The following BPIFA2 variants were observed in gnomAD, a reference collection of about 807,000 sequenced individuals.
BPIFA2 encodes the protein BPI fold containing family A member 2.
BPIFA2 carries 20 observed loss-of-function variants against 25.7 expected under a neutral mutation model. The ratio of observed to expected loss-of-function variants is 0.78; its 90% CI spans 0.55 to 1.13. The LOEUF (loss-of-function observed/expected upper bound fraction) is 1.13, where lower values mean the gene tolerates loss of function less well. BPIFA2 is among the 50% of genes most tolerant of loss of function. The pLI is 0.00. For missense variants in BPIFA2, 300 were observed against 298.1 expected, an observed-to-expected ratio of 1.01 and a Z score of -0.05; for synonymous variants, 126 against 124.3, an observed-to-expected ratio of 1.01 and a Z score of -0.09.
At chr20:33,173,797 C>T (rs965863844) in intron 3 of BPIFA2, among the ~76,000 whole-genome samples, 1 of 152,192 alleles carries the variant, frequency 6.6e-6, no homozygotes, top group Admixed American at 6.5e-5. Context: ...AGTCACCGTG[C>T]CCGGTCCCAC....
At chr20:33,175,758 T>A (rs1984056396) in intron 5 of BPIFA2, among the ~76,000 whole-genome samples, 199 bp downstream of exon 5, 1 of 152,160 alleles carries the variant, frequency 6.6e-6, no homozygotes, top group Non-Finnish European at 1.5e-5. Context: ...TGTTTTCACA[T>A]CTGTAAACTG....
At chr20:33,163,719 G>A (rs561003647), upstream of BPIFA2, among the ~76,000 whole-genome samples, 14 of 152,264 alleles carry the variant, frequency 9.2e-5, no homozygotes, top group East Asian at 1.9e-3. Context: ...CTACTCGGGC[G>A]GCTGAGGCAG....
At position 33,175,438 on chromosome 20, in the gene BPIFA2, G is replaced by A. The variant is rs780402744; in HGVS notation, c.442G>A (p.Ala148Thr). 4 of 1,613,970 alleles carry A rather than the reference G, an allele frequency of 2.5e-6. No homozygotes were observed. The highest frequency in any genetic ancestry group is 3.4e-6 in the Non-Finnish European group (4 of 1,179,918). Residue 148 changes from alanine (A) to threonine (T), a missense_variant, in exon 5 of 9, where the codon GCC becomes ACC. Physicochemically the swap from Ala to Thr is moderately conservative, Grantham distance 58. Transcript: ENST00000354932. Reference protein sequence around the residue: ...PIIGQIINLKASLDLLTAVTI... With the variant: ...PIIGQIINLKTSLDLLTAVTI... ...CATTGGCCAGATTATCAACCTGAAA[G>A]CCTCCTTGGACCTCCTGACCGCAGT...
upstream of BPIFA2, among the ~76,000 whole-genome samples, chr20:33,166,497 C>A (rs549123988): frequency 7.3e-4 from 111 of 152,284 alleles, no homozygotes; most frequent in Non-Finnish European, 1.3e-3. Context: ...ATGGGTATTA[C>A]ACTAATTTGA....
At chr20:33,179,716 G>T (rs776558980) in intron 7 of BPIFA2, 49 bp downstream of exon 7, 59 of 1,512,722 alleles carry the variant, frequency 3.9e-5, no homozygotes, top group Admixed American at 6.7e-5. Flanking sequence ...ATGGAGCTCT[G>T]TGCCCACCCC....
chr20:33,178,151 A>G lies in BPIFA2; in HGVS notation c.568A>G (p.Ser190Gly). 6.2e-7 allele frequency: 1 copy of G among 1,601,920 alleles called. No homozygotes were observed. The highest frequency in any genetic ancestry group is 1.3e-5 in the African/African-American group (1 of 74,672). The change falls in exon 6 of 9, where the codon AGC becomes GGC. Residue 190 changes from serine (S) to glycine (G), a missense_variant. Coordinates refer to ENST00000354932, the MANE Select transcript of BPIFA2 (RefSeq NM_080574.4). ...SISLSLLDKH[S>G]QIINKFVNSV... ...ATAGTTCCCTGTGTTTTCCAGACAC[A>G]GCCAAATCATCAACAAGTTCGTGAA...
At chr20:33,177,018 A>G (rs1032207415) in intron 5 of BPIFA2, among the ~76,000 whole-genome samples, 1 of 152,132 alleles carries the variant, frequency 6.6e-6, no homozygotes, top group Admixed American at 6.5e-5. Flanking sequence ...AGTTCTCAAT[A>G]TATATTTAAT....
At chr20:33,178,282 G>A (rs1984154205) in intron 6 of BPIFA2, 54 bp downstream of exon 6, 4 of 1,356,702 alleles carry the variant, frequency 2.9e-6, no homozygotes, top group Admixed American at 3.7e-5. Flanking sequence ...GGCAGGTGGG[G>A]GAATTTGCAG....
In BPIFA2 at chr20:33,169,129, A is replaced by G. The variant is rs1194523362; in HGVS notation, c.-15-2A>G. On this transcript the variant is annotated splice_acceptor_variant, in intron 1 of 8. Coordinates refer to ENST00000354932, the MANE Select transcript of BPIFA2 (RefSeq NM_080574.4). LOFTEE classifies it low-confidence loss of function (5UTR_SPLICE). ...ACTCCTGTTCTTCCCATGACTGTCC[A>G]GGTGTCAAGACAAAAGATGCTTCAG... The G allele has an allele frequency of 1.2e-6, 2 of 1,612,634 alleles. No individual in the cohort carries two copies. The highest frequency in any genetic ancestry group is 1.3e-5 in the African/African-American group (1 of 74,890).
intron 5 of BPIFA2, among the ~76,000 whole-genome samples, chr20:33,176,970 G>A (rs184795482): frequency 1.5e-4 from 23 of 152,186 alleles, no homozygotes; most frequent in Middle Eastern, 3.4e-3. Context: ...ATTCTCTCTC[G>A]TAAGAGTCTA....
intron 2 of BPIFA2, among the ~76,000 whole-genome samples, chr20:33,170,672 G>A (rs1983869861): frequency 6.6e-6 from 1 of 152,192 alleles, no homozygotes; most frequent in South Asian, 2.1e-4. Context: ...GGGATTACAG[G>A]CGTGAGCCAC....
intron 7 of BPIFA2, 40 bp from the exon 8 acceptor site, chr20:33,180,480 T>G (rs1825559114): frequency 1.9e-6 from 3 of 1,592,942 alleles, no homozygotes; most frequent in Non-Finnish European, 1.7e-6. Flanking sequence ...TCAATTCCAG[T>G]GGCAGAGACT....
At chr20:33,179,819 G>T in intron 7 of BPIFA2, 152 bp downstream of exon 7, 1 of 760,876 alleles carries the variant, frequency 1.3e-6, no homozygotes, top group Middle Eastern at 3.2e-4. Flanking sequence ...ACAGGCACCC[G>T]GGGGCTCCCT....
At chr20:33,173,177 T>C in intron 3 of BPIFA2, 101 bp downstream of exon 3, 3 of 1,407,768 alleles carry the variant, frequency 2.1e-6, no homozygotes, top group Non-Finnish European at 1.9e-6. Flanking sequence ...ACAAGCCTCA[T>C]TCCCCTCCCA....
upstream of BPIFA2, among the ~76,000 whole-genome samples, chr20:33,163,770 C>T (rs543442899): frequency 8.6e-5 from 13 of 150,572 alleles, no homozygotes; most frequent in East Asian, 2.3e-3. Context: ...TGCGGTGAGC[C>T]GAGATGGACT....
At chr20:33,173,188 C>A in intron 3 of BPIFA2, 112 bp downstream of exon 3, 1 of 1,347,798 alleles carries the variant, frequency 7.4e-7, no homozygotes, top group Non-Finnish European at 1.0e-6. Context: ...TCCCCTCCCA[C>A]AGAGCCAAGG....
intron 8 of BPIFA2, 45 bp downstream of exon 8, chr20:33,180,642 GAAGTAAAAGTC>G (rs1984247193): frequency 6.8e-7 from 1 of 1,470,942 alleles, no homozygotes; most frequent in East Asian, 2.3e-5. Flanking sequence ...GGCCTATGGT[GAAGTAAAAGTC>G]AAGCGTGGCT....
intron 7 of BPIFA2, 62 bp from the exon 8 acceptor site, chr20:33,180,458 T>A: frequency 6.5e-7 from 1 of 1,545,476 alleles, no homozygotes; most frequent in Non-Finnish European, 8.9e-7. Flanking sequence ...TCTTTTGGAG[T>A]CTGGTCTCTA....
In BPIFA2 at chr20:33,173,000, C is replaced by G. The variant is rs1296092951; in HGVS notation, c.226C>G (p.Gln76Glu). ...QKSSAWQLAK[Q>E]KAQEAEKLLN... is the part of the protein sequence containing the mutation. Reference sequence around the variant, plus strand: ...ATCCAGTGCTTGGCAACTGGCCAAGCAGAAGGCCCAGGAAGCTGAGAAATT... The same window carrying G: ...ATCCAGTGCTTGGCAACTGGCCAAGGAGAAGGCCCAGGAAGCTGAGAAATT... Residue 76 changes from glutamine (Q) to glutamate (E), a missense_variant, in exon 3 of 9, where the codon CAG (glutamine) becomes GAG (glutamate). Physicochemically the swap from Gln to Glu is conservative, Grantham distance 29 (BLOSUM62 2). Transcript: ENST00000354932. The G allele has an allele frequency of 6.2e-7, 1 of 1,613,930 alleles. No individual in the cohort carries two copies. Among genetic ancestry groups the G allele is most frequent in the Non-Finnish European group, 8.5e-7 (1 of 1,179,992 alleles).
Sources: gnomAD v4.1 joint callset for allele counts (sites outside exome capture counted in the v4.1 genomes callset) on GRCh38, gnomAD v4.1.1 for gene constraint, MANE v1.5 for transcripts, NCBI Gene and HGNC (gene_info 2026-07-23, HGNC 2026-07-21) for gene names.